The following HOXD10 variants were observed in gnomAD, a reference collection of about 807,000 sequenced individuals.
The protein encoded by HOXD10 is homeobox D10.
A neutral mutation model predicts 27.0 loss-of-function variants in HOXD10; 15 were observed. The observed-to-expected ratio is 0.56, with a 90% CI of 0.37 to 0.85. The LOEUF (loss-of-function observed/expected upper bound fraction) is 0.85, where lower values mean the gene tolerates loss of function less well. Ranked by LOEUF, HOXD10 falls within the 40% of genes least tolerant of loss-of-function variation. HOXD10 has a pLI of 0.00. For synonymous variants in HOXD10, 178 were observed against 160.9 expected, an observed-to-expected ratio of 1.11 and a Z score of -0.80; for missense variants, 440 against 430.4, an observed-to-expected ratio of 1.02 and a Z score of -0.20.
At position 176,117,438 on chromosome 2, in the gene HOXD10, A is replaced by C; in HGVS notation, c.605A>C (p.Asn202Thr). Reference sequence around the variant, plus strand: ...CAGCTGCAGATGGAAAAGAAGATGAACGAGCCCGTGAGCGGCCAGGAGCCC... The same window carrying C: ...CAGCTGCAGATGGAAAAGAAGATGACCGAGCCCGTGAGCGGCCAGGAGCCC... ...AAQLQMEKKM[N>T]EPVSGQEPTK... Residue 202 changes from asparagine to threonine, a missense_variant, in exon 1 of 2, where the codon AAC (asparagine) becomes ACC (threonine). Coordinates refer to ENST00000249501, the MANE Select transcript of HOXD10 (RefSeq NM_002148.4). The C allele has an allele frequency of 2.5e-6, 4 of 1,613,172 alleles. No individual in the cohort carries two copies. Among genetic ancestry groups the C allele is most frequent in the Non-Finnish European group, 3.4e-6 (4 of 1,179,994 alleles).
rs1381799127 is a variant in HOXD10, at chr2:176,118,887, CAAAAACAA to C, written c.746-63_746-56del. The C allele has an allele frequency of 2.8e-6, 4 of 1,433,378 alleles. No homozygotes were observed. The African/African-American group carries it at 6.0e-5, about 22-fold the overall frequency. The allele number at this position is 1,433,378 out of a possible 1,614,324, so 88.8% of individuals were successfully genotyped here. On this transcript the variant is annotated intron_variant, in intron 1 of 1. Transcript: ENST00000249501. Reference sequence around the variant, plus strand: ...ACCAAAACCAAAACCAAAACAAAAACAAAAACAAAAACAAACAAACAAAAAACCTCTTG... The same window carrying C: ...ACCAAAACCAAAACCAAAACAAAAACAAACAAACAAACAAAAAACCTCTTG...
intron 1 of HOXD10, among the ~76,000 whole-genome samples, chr2:176,118,627 A>ATTCTACTAATGTT (rs1296186964): frequency 6.6e-6 from 1 of 152,212 alleles, no homozygotes; most frequent in Non-Finnish European, 1.5e-5. Context: ...AAAGTTTACT[A>ATTCTACTAATGTT]TTCTACTAAT....
chr2:176,118,850 A>T, intron 1 of HOXD10, 104 bp from the exon 2 acceptor site: 1 of 1,074,298 alleles, frequency 9.3e-7, no homozygotes, highest in Admixed American at 2.1e-5. Context: ...GAAGAAAAAA[A>T]CAAAAACGAA....
chr2:176,119,159 C>T lies in HOXD10; in HGVS notation c.951C>T (p.Arg317=). The T allele has an allele frequency of 6.2e-7, 1 of 1,613,922 alleles. No individual in the cohort carries two copies. Among genetic ancestry groups the T allele is most frequent in the Non-Finnish European group, 8.5e-7 (1 of 1,179,992 alleles). Residue 317 remains arginine, a synonymous_variant, in exon 2 of 2, where the codon CGC becomes CGT. Transcript: ENST00000249501. ...DRQVKIWFQN[R]RMKLKKMSRE... ...AGGTCAAGATTTGGTTTCAAAACCGCCGAATGAAACTCAAGAAGATGAGCC... is the reference window on the plus strand; with the variant it reads ...AGGTCAAGATTTGGTTTCAAAACCGTCGAATGAAACTCAAGAAGATGAGCC...
intron 1 of HOXD10, 106 bp downstream of exon 1, chr2:176,117,684 G>A (rs1689785510): frequency 7.8e-7 from 1 of 1,275,228 alleles, no homozygotes; most frequent in Non-Finnish European, 1.1e-6. Context: ...GACTTGGCAG[G>A]TGCTGCTCCG....
rs1347683346 is a variant in HOXD10 at position 176,117,315 on chromosome 2, G to A, written c.482G>A (p.Gly161Glu). 1 of 1,613,440 alleles carries A rather than the reference G, an allele frequency of 6.2e-7. No individual in the cohort carries two copies. Among genetic ancestry groups the A allele is most frequent in the Non-Finnish European group, 8.5e-7 (1 of 1,179,500 alleles). Residue 161 changes from glycine (G) to glutamate (E), a missense_variant, in exon 1 of 2, where the codon GGG (glycine) becomes GAG (glutamate). Transcript: ENST00000249501. ...AGACTGAGTCAGACCTACGCCACCG[G>A]GAAAACCCAAGAGTACAATAATAGC... Reference protein sequence around the residue: ...YFRLSQTYATGKTQEYNNSPE... With the variant: ...YFRLSQTYATEKTQEYNNSPE...
chr2:176,117,658 C>G (rs1449033972), intron 1 of HOXD10, 80 bp downstream of exon 1: 6 of 1,536,986 alleles, frequency 3.9e-6, no homozygotes, highest in Middle Eastern at 1.8e-4. Context: ...GGGTGCCCAG[C>G]GCCGAGCCGG....
rs779274836 is a variant in HOXD10, at chr2:176,117,041, A to C, written c.208A>C (p.Asn70His). The change falls in exon 1 of 2, where the codon AAT (asparagine) becomes CAT (histidine). Residue 70 changes from asparagine to histidine, a missense_variant. Physicochemically the swap from Asn to His is moderately conservative, Grantham distance 68. Coordinates refer to ENST00000249501, the MANE Select transcript of HOXD10 (RefSeq NM_002148.4). ...AGTGAACCACCAAAATATGGGTATGAATGTGCATCCTTATATACCTCAAGT... is the reference window on the plus strand; with the variant it reads ...AGTGAACCACCAAAATATGGGTATGCATGTGCATCCTTATATACCTCAAGT... Reference protein sequence around the residue: ...REVNHQNMGMNVHPYIPQVDS... With the variant: ...REVNHQNMGMHVHPYIPQVDS... 57 of 1,614,058 alleles carry C rather than the reference A, an allele frequency of 3.5e-5. No homozygotes were observed.
Position 176,116,802 on chromosome 2 carries a change from C to A in HOXD10, c.-32C>A, listed in dbSNP as rs1254715968. ...CCTAGAGATGTCAGCCTACAAAGGA[C>A]ACAATCTCTCTTCTTCAAATTCTTC... On this transcript the variant is annotated 5_prime_UTR_variant, in exon 1 of 2. Transcript: ENST00000249501. 1.2e-6 allele frequency: 2 copies of A among 1,608,896 alleles called. No individual in the cohort carries two copies. Among genetic ancestry groups the A allele is most frequent in the Admixed American group, 1.7e-5 (1 of 60,000 alleles).
chr2:176,119,752 C>A lies in HOXD10; in HGVS notation c.*521C>A, dbSNP rs1355394437. The stretch of plus-strand genomic sequence containing the variant: ...GTTGGAGGGAGGGGGACTTAAAAAG[C>A]ACATTACAATGTATCTTTTCACAAA... On this transcript the variant is annotated 3_prime_UTR_variant, in exon 2 of 2. Coordinates refer to ENST00000249501, the MANE Select transcript of HOXD10 (RefSeq NM_002148.4). 6.6e-6 allele frequency: 1 copy of A among 152,054 alleles called. No individual in the cohort carries two copies. Among genetic ancestry groups the A allele is most frequent in the Non-Finnish European group, 1.5e-5 (1 of 67,926 alleles). The allele number at this position is 152,054 out of a possible 1,614,324, so 9.4% of individuals were successfully genotyped here.
Position 176,119,030 on chromosome 2 carries a change from T to C in HOXD10, c.822T>C (p.Thr274=), listed in dbSNP as rs200874129. ...GCAGAAAGAAGAGGTGCCCTTACAC[T>C]AAGCACCAAACGCTGGAATTAGAAA... ...KSGRKKRCPY[T]KHQTLELEKE... The change falls in exon 2 of 2, where the codon ACT becomes ACC. Residue 274 remains threonine (T), a synonymous_variant. Transcript: ENST00000249501. 1 of 1,613,854 alleles carries C rather than the reference T, an allele frequency of 6.2e-7. No individual in the cohort carries two copies. Among genetic ancestry groups the C allele is most frequent in the East Asian group, 2.2e-5 (1 of 44,880 alleles).
rs542394792 is a variant in HOXD10, at chr2:176,117,470, G to C, written c.637G>C (p.Val213Leu). The change falls in exon 1 of 2, where the codon GTC becomes CTC. Residue 213 changes from valine to leucine, a missense_variant. Physicochemically the swap from Val to Leu is conservative, Grantham distance 32 (BLOSUM62 1). Transcript: ENST00000249501. Reference sequence around the variant, plus strand: ...CGTGAGCGGCCAGGAGCCCACCAAAGTCTCCCAGGTGGAGAGCCCCGAGGC... The same window carrying C: ...CGTGAGCGGCCAGGAGCCCACCAAACTCTCCCAGGTGGAGAGCCCCGAGGC... ...EPVSGQEPTK[V>L]SQVESPEAKG... 2 of 1,613,112 alleles carry C rather than the reference G, an allele frequency of 1.2e-6. No homozygotes were observed. Among genetic ancestry groups the C allele is most frequent in the South Asian group, 2.2e-5 (2 of 91,090 alleles).
At chr2:176,117,659 G>T in intron 1 of HOXD10, 81 bp downstream of exon 1, 1 of 1,530,826 alleles carries the variant, frequency 6.5e-7, no homozygotes, top group Non-Finnish European at 9.0e-7. Flanking sequence ...GGTGCCCAGC[G>T]CCGAGCCGGA....
In HOXD10 at chr2:176,117,787, T is replaced by G. The variant is rs188081806; in HGVS notation, c.745+209T>G. Among the ~76,000 whole-genome samples, 409 of 152,256 alleles carry G rather than the reference T, an allele frequency of 2.7e-3. 1 individual carries two copies. Among genetic ancestry groups the G allele is most frequent in the Middle Eastern group, 6.8e-3 (2 of 294 alleles). ...TCCGCCAGTCCTGGCCCCACGCTGATGGCGCCCGGGCAGAGGAAAAGCTTG... is the reference window on the plus strand; with the variant it reads ...TCCGCCAGTCCTGGCCCCACGCTGAGGGCGCCCGGGCAGAGGAAAAGCTTG... On this transcript the variant is annotated intron_variant, in intron 1 of 1. Transcript: ENST00000249501.
At position 176,119,146 on chromosome 2, in the gene HOXD10, G is replaced by T. The variant is rs1230728078; in HGVS notation, c.938G>T (p.Trp313Leu). The change falls in exon 2 of 2, where the codon TGG becomes TTG. Residue 313 changes from tryptophan (W) to leucine (L), a missense_variant. Trp to Leu is a moderately conservative substitution (Grantham distance 61). Transcript: ENST00000249501. ...VNLTDRQVKIWFQNRRMKLKK... is the reference protein window; with the variant it reads ...VNLTDRQVKILFQNRRMKLKK... ...CTCACCGACAGGCAGGTCAAGATTTGGTTTCAAAACCGCCGAATGAAACTC... is the reference window on the plus strand; with the variant it reads ...CTCACCGACAGGCAGGTCAAGATTTTGTTTCAAAACCGCCGAATGAAACTC... 1 of 1,613,956 alleles carries T rather than the reference G, an allele frequency of 6.2e-7. No individual in the cohort carries two copies. The highest frequency in any genetic ancestry group is 1.7e-5 in the Admixed American group (1 of 60,006).
intron 1 of HOXD10, 146 bp downstream of exon 1, chr2:176,117,724 G>C: frequency 1.1e-6 from 1 of 916,394 alleles, no homozygotes; most frequent in Admixed American, 2.0e-5. Flanking sequence ...TCTCAGCCCT[G>C]AGATAGTCCC....
chr2:176,118,207 G>GC (rs1689796150), intron 1 of HOXD10, among the ~76,000 whole-genome samples: 1 of 152,238 alleles, frequency 6.6e-6, no homozygotes, highest in African/African-American at 2.4e-5. Context: ...TGCAAGGCCA[G>GC]CCTTAGGGCT....
chr2:176,118,238 G>A (rs796104706), intron 1 of HOXD10, among the ~76,000 whole-genome samples: 1 of 152,216 alleles, frequency 6.6e-6, no homozygotes, highest in South Asian at 2.1e-4. Context: ...AAAGAGCCAG[G>A]GATCTGGCTT....
Position 176,118,893 on chromosome 2 carries a change from CAA to C in HOXD10, c.746-57_746-56del, listed in dbSNP as rs59469371. ...ACCAAAACCAAAACAAAAACAAAAACAAAAACAAACAAACAAAAAACCTCTTG... is the reference window on the plus strand; with the variant it reads ...ACCAAAACCAAAACAAAAACAAAAACAAACAAACAAACAAAAAACCTCTTG... On this transcript the variant is annotated intron_variant, in intron 1 of 1. Coordinates refer to ENST00000249501, the MANE Select transcript of HOXD10 (RefSeq NM_002148.4). The C allele has an allele frequency of 5.4e-3, 7,736 of 1,439,312 alleles. 382 individuals carry two copies. In the African/African-American group the frequency reaches 0.1, roughly 19 times the overall value. 89.2% of individuals were successfully genotyped at this position (1,439,312 alleles called of 1,614,324 possible). A position where few individuals can be genotyped will look rare whatever the true frequency, so the allele number is the denominator to read the frequency against.
Sources: allele counts gnomAD v4.1 joint callset (sites outside exome capture counted in the v4.1 genomes callset), GRCh38; gene constraint gnomAD v4.1.1; transcripts MANE v1.5; gene names NCBI Gene and HGNC (gene_info 2026-07-23, HGNC 2026-07-21).